The following CPNE3 variants were observed in gnomAD, a reference collection of about 807,000 sequenced individuals.
CPNE3 encodes the protein copine-3.
CPNE3 carries 68 observed loss-of-function variants against 63.9 expected under a neutral mutation model. The ratio of observed to expected loss-of-function variants is 1.06; its 90% CI spans 0.87 to 1.30. The LOEUF (loss-of-function observed/expected upper bound fraction) is 1.30. Ranked by LOEUF, CPNE3 falls within the 50% of genes most tolerant of loss-of-function variation. The pLI is 0.00. For missense variants in CPNE3, 665 were observed against 578.1 expected, an observed-to-expected ratio of 1.15 and a Z score of -1.54; for synonymous variants, 219 against 197.5, an observed-to-expected ratio of 1.11 and a Z score of -0.91.
intron 8 of CPNE3, among the ~76,000 whole-genome samples, chr8:86,542,158 A>G (rs1265800649): frequency 6.6e-6 from 1 of 152,232 alleles, no homozygotes; most frequent in Non-Finnish European, 1.5e-5. Flanking sequence ...ACTATACACA[A>G]CTTGGTTTGC....
chr8:86,530,306 A>G (rs571948167), intron 4 of CPNE3, among the ~76,000 whole-genome samples: 2 of 151,980 alleles, frequency 1.3e-5, no homozygotes, highest in African/African-American at 4.8e-5. Context: ...AGTAGCTAGG[A>G]CTATAAGCAC....
chr8:86,522,851 G>T (rs929042372), intron 2 of CPNE3, among the ~76,000 whole-genome samples: 9 of 152,058 alleles, frequency 5.9e-5, no homozygotes, highest in Admixed American at 1.3e-4. Context: ...TTGTAGATAG[G>T]CACCGACTTC....
At position 86,558,372 on chromosome 8, in the gene CPNE3, CCT is replaced by C. The variant is rs766651254; in HGVS notation, c.1578_1579del (p.Pro527GlnfsTer47). On this transcript the variant is annotated frameshift_variant, in exon 17 of 17. Coordinates refer to ENST00000517490, the MANE Select transcript of CPNE3 (RefSeq NM_003909.5). LOFTEE classifies it high-confidence loss of function. ...VGYFNTYKLL[P>X]PKNPATKQQK... ...CTACTTCAATACATACAAACTCCTT[CCT>C]CCCAAGAACCCAGCCACGAAACAAC... is the stretch of plus-strand genomic sequence containing the variant. The C allele has an allele frequency of 1.1e-6, 1 of 872,974 alleles. No homozygotes were observed. The highest frequency in any genetic ancestry group is 2.4e-5 in the East Asian group (1 of 41,704). The allele number at this position is 872,974 out of a possible 1,614,324, so 54.1% of individuals were successfully genotyped here. A position where few individuals can be genotyped will look rare whatever the true frequency, so the allele number is the denominator to read the frequency against.
intron 6 of CPNE3, among the ~76,000 whole-genome samples, chr8:86,535,411 C>T (rs1038989882): frequency 8.6e-5 from 13 of 151,756 alleles, no homozygotes; most frequent in Non-Finnish European, 1.2e-4. Flanking sequence ...TGATGGCTCA[C>T]GCCTGTAATC....
At chr8:86,533,374 C>T (rs1820727179) in intron 6 of CPNE3, among the ~76,000 whole-genome samples, 1 of 151,952 alleles carries the variant, frequency 6.6e-6, no homozygotes, top group South Asian at 2.1e-4. Context: ...GAAACCCCAT[C>T]TCTACAAAAA....
rs1306266225 is a variant in CPNE3 at position 86,528,823 on chromosome 8, A to G, written c.133-122A>G. ...TTTGTCCTTGATTGTAGAATTTTTC[A>G]TACACATATAGAAACTTCCTTTAGT... On this transcript the variant is annotated intron_variant, in intron 3 of 16. Transcript: ENST00000517490. The G allele has an allele frequency of 4.6e-6, 6 of 1,309,222 alleles. No homozygotes were observed. The African/African-American group carries it at 7.4e-5, about 16-fold the overall frequency. The allele number at this position is 1,309,222 out of a possible 1,614,324, so 81.1% of individuals were successfully genotyped here. A position where few individuals can be genotyped will look rare whatever the true frequency, so the allele number is the denominator to read the frequency against.
At chr8:86,546,445 T>C (rs2131481302) in intron 9 of CPNE3, 150 bp from the exon 10 acceptor site, 1 of 698,630 alleles carries the variant, frequency 1.4e-6, no homozygotes, top group East Asian at 3.1e-5. Context: ...ACTTAACATA[T>C]TATGTAATTG....
intron 6 of CPNE3, among the ~76,000 whole-genome samples, chr8:86,536,505 AC>A (rs1369366652): frequency 6.6e-6 from 1 of 152,044 alleles, no homozygotes; most frequent in Non-Finnish European, 1.5e-5. Context: ...AAGGTTAAAC[AC>A]AGTCTTTGTG....
chr8:86,552,854 T>TC (rs1300161661), intron 14 of CPNE3, among the ~76,000 whole-genome samples: 1 of 147,252 alleles, frequency 6.8e-6, no homozygotes, highest in Non-Finnish European at 1.5e-5. Context: ...TTTTTTTTTT[T>TC]TCGAGACGAA....
intron 4 of CPNE3, among the ~76,000 whole-genome samples, chr8:86,529,328 A>G (rs143310869): frequency 1.1e-3 from 162 of 152,274 alleles, no homozygotes; most frequent in African/African-American, 3.7e-3. Flanking sequence ...ATTTATGAAA[A>G]AGCCTGTTAA....
chr8:86,558,018 A>G (rs112191289), intron 16 of CPNE3, among the ~76,000 whole-genome samples: 13 of 152,226 alleles, frequency 8.5e-5, no homozygotes, highest in African/African-American at 3.1e-4. Context: ...TTTAAAAGTT[A>G]TAAAACAACA....
In CPNE3 at chr8:86,528,663, C is replaced by A; in HGVS notation, c.118C>A (p.Gln40Lys). 2 of 1,612,898 alleles carry A rather than the reference C, an allele frequency of 1.2e-6. No individual in the cohort carries two copies. Among genetic ancestry groups the A allele is most frequent in the South Asian group, 1.1e-5 (1 of 90,856 alleles). The change falls in exon 3 of 17, where the codon CAA becomes AAA. Residue 40 changes from glutamine to lysine, a missense_variant. Gln to Lys is a moderately conservative substitution (Grantham distance 53). Transcript: ENST00000517490. ...TGTGTTGTTTTTGAATACAAGTGGT[C>A]AACAGTGGTATGAGGTAATGTCAAA... Reference protein sequence around the residue: ...LCVLFLNTSGQQWYEVERTER... With the variant: ...LCVLFLNTSGKQWYEVERTER...
intron 12 of CPNE3, among the ~76,000 whole-genome samples, chr8:86,548,644 T>C (rs1023090861): frequency 5.3e-5 from 8 of 152,172 alleles, no homozygotes; most frequent in Admixed American, 5.2e-4. Context: ...AGTTATCATA[T>C]ATGGCATGTA....
chr8:86,556,181 C>T lies in CPNE3; in HGVS notation c.1334C>T (p.Ser445Phe), dbSNP rs1430297046. Residue 445 changes from serine to phenylalanine, a missense_variant, in exon 16 of 17, where the codon TCC becomes TTC. By Grantham distance (155) the Ser-to-Phe change is radical (BLOSUM62 -2). Coordinates refer to ENST00000517490, the MANE Select transcript of CPNE3 (RefSeq NM_003909.5). ...ACCAGACAAGCTATAGTTAATGCCT[C>T]CAGGCTGCCTATGTCCATCATAATT... is the stretch of plus-strand genomic sequence containing the variant. Reference protein sequence around the residue: ...DETRQAIVNASRLPMSIIIVG... With the variant: ...DETRQAIVNAFRLPMSIIIVG... 2 of 873,046 alleles carry T rather than the reference C, an allele frequency of 2.3e-6. No individual in the cohort carries two copies. Among genetic ancestry groups the T allele is most frequent in the East Asian group, 2.4e-5 (1 of 41,718 alleles). The allele number at this position is 873,046 out of a possible 1,614,324, so 54.1% of individuals were successfully genotyped here.
At position 86,556,271 on chromosome 8, in the gene CPNE3, G is replaced by A. The variant is rs17853579; in HGVS notation, c.1424G>A (p.Arg475His). 1.0e-5 allele frequency: 9 copies of A among 872,882 alleles called. No individual in the cohort carries two copies. The highest frequency in any genetic ancestry group is 2.6e-5 in the South Asian group (2 of 76,552). 54.1% of individuals were successfully genotyped at this position (872,882 alleles called of 1,614,324 possible). The change falls in exon 16 of 17, where the codon CGC (arginine) becomes CAC (histidine). Residue 475 changes from arginine (R) to histidine (H), a missense_variant. Transcript: ENST00000517490. ...EFLDGDGGSLRSPLGEVAIRD... is the reference protein window; with the variant it reads ...EFLDGDGGSLHSPLGEVAIRD... Reference sequence around the variant, plus strand: ...CTGGATGGTGATGGTGGAAGTCTCCGCTCCCCATTGGGCGAAGTGGCCATC... The same window carrying A: ...CTGGATGGTGATGGTGGAAGTCTCCACTCCCCATTGGGCGAAGTGGCCATC...
intron 15 of CPNE3, 141 bp from the exon 16 acceptor site, chr8:86,555,961 C>A: frequency 1.5e-6 from 1 of 676,280 alleles, no homozygotes; most frequent in Non-Finnish European, 2.7e-6. Context: ...ATCAGAGAAG[C>A]TTAGAATATT....
intron 2 of CPNE3, among the ~76,000 whole-genome samples, chr8:86,522,548 C>CTTTGTTTTTTTTTT (rs1820457949): frequency 1.2e-5 from 1 of 82,234 alleles, no homozygotes; most frequent in Non-Finnish European, 2.1e-5. Context: ...ACGCCCGCTG[C>CTTTGTTTTTTTTTT]TTTTTTTTTT....
At chr8:86,557,390 C>G (rs1399892152) in intron 16 of CPNE3, among the ~76,000 whole-genome samples, 2 of 152,186 alleles carry the variant, frequency 1.3e-5, no homozygotes, top group Non-Finnish European at 2.9e-5. Flanking sequence ...CTCGCCTCGG[C>G]CTCCCTAAGT....
intron 8 of CPNE3, among the ~76,000 whole-genome samples, chr8:86,542,886 G>A (rs1330265258): frequency 1.3e-5 from 2 of 151,992 alleles, no homozygotes; most frequent in African/African-American, 4.8e-5. Flanking sequence ...TTTAACGTAT[G>A]AATAGTCTAA....
Sources: gnomAD v4.1 joint callset for allele counts (sites outside exome capture counted in the v4.1 genomes callset) on GRCh38, gnomAD v4.1.1 for gene constraint, MANE v1.5 for transcripts, NCBI Gene and HGNC (gene_info 2026-07-23, HGNC 2026-07-21) for gene names.